RNF207: variants seen among roughly 807,000 people sequenced by gnomAD.
RNF207 encodes the protein ring finger protein 207.
A neutral mutation model predicts 79.0 loss-of-function variants in RNF207; 72 were observed. That is an observed-to-expected ratio of 0.91 (90% confidence interval 0.75 to 1.11). The LOEUF is 1.11. Among genes scored for constraint, RNF207 ranks in the 50% least tolerant of loss-of-function variants. The pLI is 0.00. For synonymous variants in RNF207, 348 were observed against 366.2 expected (o/e 0.95, Z 0.57); for missense variants, 936 against 855.8 (o/e 1.09, Z -1.17).
chr1:6,217,791 G>A lies in RNF207; in HGVS notation c.1653-498G>A, dbSNP rs1313071822. ...TTAGAAGTCTATGATTCCCATCACC[G>A]CGGGGCTGGACAGCTCTCTTGGGGA... On this transcript the variant is annotated intron_variant, in intron 16 of 17. Transcript: ENST00000377939. The surrounding 1 kb of genome is among the most constrained non-coding windows in gnomAD (Gnocchi z 4.2). Among the ~76,000 whole-genome samples the A allele has an allele frequency of 2.6e-5, 4 of 152,108 alleles. No individual in the cohort carries two copies. Among genetic ancestry groups the A allele is most frequent in the Non-Finnish European group, 2.9e-5 (2 of 68,034 alleles).
In RNF207 at chr1:6,219,332, G is replaced by GA. The variant is rs1185756711; in HGVS notation, c.1835dup (p.Asn612LysfsTer103). Reference sequence around the variant, plus strand: ...ACGGCCTCTCAGAAGAGCCTCTACTGAAAAATATGGATCATCACAGATCCA... The same window carrying GA: ...ACGGCCTCTCAGAAGAGCCTCTACTGAAAAAATATGGATCATCACAGATCCA... On this transcript the variant is annotated frameshift_variant, in exon 18 of 18. Transcript: ENST00000377939. LOFTEE classifies it low-confidence loss of function (END_TRUNC). 1.2e-6 allele frequency: 2 copies of GA among 1,613,248 alleles called. No individual in the cohort carries two copies. The highest frequency in any genetic ancestry group is 1.7e-6 in the Non-Finnish European group (2 of 1,179,836).
In RNF207 at chr1:6,207,605, C is replaced by T. The variant is rs758111440; in HGVS notation, c.324+94C>T. On this transcript the variant is annotated intron_variant, in intron 3 of 17. Transcript: ENST00000377939. This position sits in a 1 kb window ranked among gnomAD's most constrained non-coding sequence, Gnocchi z 4.5. ...ATGCACTCAGCATGTCTTCAGAGGACGACCTGGCAGTGGATTCTCCAGCAC... is the reference window on the plus strand; with the variant it reads ...ATGCACTCAGCATGTCTTCAGAGGATGACCTGGCAGTGGATTCTCCAGCAC... 9.3e-6 allele frequency: 13 copies of T among 1,397,822 alleles called. No homozygotes were observed. The highest frequency in any genetic ancestry group is 6.1e-5 in the South Asian group (5 of 81,388). 86.6% of individuals were successfully genotyped at this position (1,397,822 alleles called of 1,614,324 possible). A position where few individuals can be genotyped will look rare whatever the true frequency, so the allele number is the denominator to read the frequency against.
In RNF207 at chr1:6,219,356, C is replaced by G. The variant is rs1294561478; in HGVS notation, c.1854C>G (p.Ser618=). The G allele has an allele frequency of 6.2e-7, 1 of 1,612,032 alleles. No individual in the cohort carries two copies. The highest frequency in any genetic ancestry group is 8.5e-7 in the Non-Finnish European group (1 of 1,179,394). The change falls in exon 18 of 18, where the codon TCC becomes TCG. Residue 618 remains serine (S), a synonymous_variant. Coordinates refer to ENST00000377939, the MANE Select transcript of RNF207 (RefSeq NM_207396.3). ...PLLKNMDHHR[S]KQKNGGDVPT... ...TGAAAAATATGGATCATCACAGATC[C>G]AAACAGAAAAATGGGGGCGATGTCC... is the stretch of plus-strand genomic sequence containing the variant.
chr1:6,206,321 C>T lies in RNF207; in HGVS notation c.-1+19C>T. ...CCAGCGGGTAGGTACAAGGCCCCGCCCCTCGCCAGTCCTCACTGCCTGTTC... is the reference window on the plus strand; with the variant it reads ...CCAGCGGGTAGGTACAAGGCCCCGCTCCTCGCCAGTCCTCACTGCCTGTTC... On this transcript the variant is annotated intron_variant, in intron 1 of 17. Coordinates refer to ENST00000377939, the MANE Select transcript of RNF207 (RefSeq NM_207396.3). 1.8e-6 allele frequency: 1 copy of T among 556,904 alleles called. No individual in the cohort carries two copies. Among genetic ancestry groups the T allele is most frequent in the East Asian group, 3.2e-5 (1 of 31,496 alleles). 34.5% of individuals were successfully genotyped at this position (556,904 alleles called of 1,614,324 possible).
rs530154008 is a variant in RNF207, at chr1:6,210,555, G to A, written c.942+117G>A. The A allele has an allele frequency of 2.0e-4, 155 of 760,890 alleles. No homozygotes were observed. The African/African-American group carries it at 2.3e-3, about 11-fold the overall frequency. 47.1% of individuals were successfully genotyped at this position (760,890 alleles called of 1,614,324 possible). ...ACCTGGAGCCTGGACCAGGGATCTC[G>A]GGGCTGACCCCCTCCCAACTCCATC... On this transcript the variant is annotated intron_variant, in intron 10 of 17. Coordinates refer to ENST00000377939, the MANE Select transcript of RNF207 (RefSeq NM_207396.3).
At position 6,211,997 on chromosome 1, in the gene RNF207, G is replaced by A; in HGVS notation, c.1240G>A (p.Glu414Lys). The change falls in exon 13 of 18, where the codon GAG becomes AAG. Residue 414 changes from glutamate to lysine, a missense_variant. Physicochemically the swap from Glu to Lys is moderately conservative, Grantham distance 56. Transcript: ENST00000377939. The surrounding 1 kb of genome is among the most constrained non-coding windows in gnomAD (Gnocchi z 4.2). ...CATCAGCACCAAGGTGCTGCTGGCG[G>A]AGGGCGAGAACACGCCCTTCGCAGA... The part of the protein sequence containing the change: ...RSISTKVLLA[E>K]GENTPFAEHC... 1.3e-6 allele frequency: 2 copies of A among 1,591,106 alleles called. No individual in the cohort carries two copies. The highest frequency in any genetic ancestry group is 1.1e-5 in the South Asian group (1 of 88,138).
intron 16 of RNF207, among the ~76,000 whole-genome samples, chr1:6,213,468 T>TAA (rs547886824): frequency 2.2e-3 from 259 of 119,190 alleles, no homozygotes; most frequent in African/African-American, 5.8e-3. Flanking sequence ...GACCTTGTCT[T>TAA]AAAAAAAAAA....
intron 16 of RNF207, among the ~76,000 whole-genome samples, chr1:6,216,736 T>TC (rs1275289722): frequency 6.7e-6 from 1 of 150,044 alleles, no homozygotes; most frequent in Admixed American, 6.6e-5. Context: ...GATTTTTTTT[T>TC]TTTTTTAATT....
intron 7 of RNF207, 120 bp from the exon 8 acceptor site, chr1:6,209,804 G>A: frequency 4.4e-6 from 5 of 1,129,764 alleles, no homozygotes; most frequent in Non-Finnish European, 5.0e-6. Flanking sequence ...CAGATGCAGG[G>A]CTGGTAGGTT....
rs200960066 is a variant in RNF207, at chr1:6,209,009, C to T, written c.453C>T (p.Asp151=). ...TGGCCCTGGGTCAGCGAAGCCGCGA[C>T]GTGCCCCAGAAGTGCAGTGAGTGAG... ...DIVALGQRSR[D]VPQKCTLHAE... is the part of the protein sequence containing the mutation. Residue 151 remains aspartate (D), a synonymous_variant, in exon 4 of 18, where the codon GAC becomes GAT. Coordinates refer to ENST00000377939, the MANE Select transcript of RNF207 (RefSeq NM_207396.3). The T allele has an allele frequency of 7.1e-7, 1 of 1,409,136 alleles. No individual in the cohort carries two copies. The allele number at this position is 1,409,136 out of a possible 1,614,324, so 87.3% of individuals were successfully genotyped here. A position where few individuals can be genotyped will look rare whatever the true frequency, so the allele number is the denominator to read the frequency against.
At position 6,209,339 on chromosome 1, in the gene RNF207, T is replaced by C; in HGVS notation, c.623T>C (p.Val208Ala). Reference protein sequence around the residue: ...VQGCERLEQAVLAVKALQTAT... With the variant: ...VQGCERLEQAALAVKALQTAT... ...GGCTGCGAGCGGCTGGAGCAGGCGGTGCTGGTGAGCGCAGGGGCCTGGCGC... is the reference window on the plus strand; with the variant it reads ...GGCTGCGAGCGGCTGGAGCAGGCGGCGCTGGTGAGCGCAGGGGCCTGGCGC... Residue 208 changes from valine to alanine, a missense_variant, in exon 6 of 18, where the codon GTG (valine) becomes GCG (alanine). Coordinates refer to ENST00000377939, the MANE Select transcript of RNF207 (RefSeq NM_207396.3). 1 of 1,543,830 alleles carries C rather than the reference T, an allele frequency of 6.5e-7. No homozygotes were observed. The highest frequency in any genetic ancestry group is 8.7e-7 in the Non-Finnish European group (1 of 1,146,258).
Position 6,216,811 on chromosome 1 carries a change from G to A in RNF207, c.1653-1478G>A, listed in dbSNP as rs185699435. Among the ~76,000 whole-genome samples the A allele has an allele frequency of 2.8e-4, 42 of 150,772 alleles. 1 individual carries two copies. In the East Asian group the frequency reaches 7.7e-3, roughly 28 times the overall value. On this transcript the variant is annotated intron_variant, in intron 16 of 17. Coordinates refer to ENST00000377939, the MANE Select transcript of RNF207 (RefSeq NM_207396.3). ...TCTCGATCTCCTGACCTCGTGATCCGCCAGCCTCGGCCTCCCAAAGTGCTG... is the reference window on the plus strand; with the variant it reads ...TCTCGATCTCCTGACCTCGTGATCCACCAGCCTCGGCCTCCCAAAGTGCTG...
In RNF207 at chr1:6,213,077, G is replaced by C; in HGVS notation, c.1546G>C (p.Asp516His). ...CCTTGGCCCCACAGCCCAGCTCCAT[G>C]ACCTTCTCCAGCTGAGGCAGGAGAA... is the stretch of plus-strand genomic sequence containing the variant. ...EQEIYEAQLH[D>H]LLQLRQENAY... Residue 516 changes from aspartate (D) to histidine (H), a missense_variant, in exon 16 of 18, where the codon GAC becomes CAC. Transcript: ENST00000377939. The C allele has an allele frequency of 6.2e-7, 1 of 1,612,730 alleles. No homozygotes were observed. Among genetic ancestry groups the C allele is most frequent in the Non-Finnish European group, 8.5e-7 (1 of 1,179,140 alleles).
intron 3 of RNF207, 38 bp from the exon 4 acceptor site, chr1:6,208,843 C>A: frequency 2.7e-6 from 4 of 1,500,928 alleles, no homozygotes; most frequent in South Asian, 1.2e-5. Context: ...TGGCCGCGGT[C>A]GGGCTCTGGC....
intron 17 of RNF207, among the ~76,000 whole-genome samples, chr1:6,218,768 C>T (rs886566499): frequency 6.6e-6 from 1 of 152,168 alleles, no homozygotes; most frequent in Non-Finnish European, 1.5e-5. Flanking sequence ...GCATTAACAC[C>T]TACGACACAG....
At chr1:6,206,934 G>C (rs11121487) in intron 2 of RNF207, among the ~76,000 whole-genome samples, 22,834 of 152,232 alleles carry the variant, frequency 0.15, 3,613 homozygotes, top group African/African-American at 0.4. Context: ...CTGAAGCCTG[G>C]AGATTGCAGT....
At position 6,218,315 on chromosome 1, in the gene RNF207, C is replaced by T. The variant is rs1557594740; in HGVS notation, c.1679C>T (p.Ser560Leu). ...PRFQAPVDEQ[S>L]ESLQNTHDDS... The stretch of plus-strand genomic sequence containing the variant: ...TTTCAGGCACCCGTGGATGAGCAGT[C>T]AGAGAGTCTACAGAACACGCACGAC... Residue 560 changes from serine (S) to leucine (L), a missense_variant, in exon 17 of 18, where the codon TCA (serine) becomes TTA (leucine). By Grantham distance (145) the Ser-to-Leu change is moderately radical. Transcript: ENST00000377939. 1 of 1,614,074 alleles carries T rather than the reference C, an allele frequency of 6.2e-7. No homozygotes were observed. The highest frequency in any genetic ancestry group is 1.7e-5 in the Admixed American group (1 of 60,022).
chr1:6,214,791 C>T (rs1437185034), intron 16 of RNF207, among the ~76,000 whole-genome samples: 2 of 151,690 alleles, frequency 1.3e-5, no homozygotes, highest in Admixed American at 6.6e-5. Flanking sequence ...TGCACCACCA[C>T]GCCTGGCTAA....
At position 6,214,630 on chromosome 1, in the gene RNF207, C is replaced by CTTTTTTTT. The variant is rs144139448; in HGVS notation, c.1652+1463_1652+1470dup. ...GTTGGCCAGGCTGGAATATTTCTTT[C>CTTTTTTTT]TTTTTTTTTTTTTTTTTTTTTTTGA... On this transcript the variant is annotated intron_variant, in intron 16 of 17. Coordinates refer to ENST00000377939, the MANE Select transcript of RNF207 (RefSeq NM_207396.3). Among the ~76,000 whole-genome samples the CTTTTTTTT allele has an allele frequency of 1.5e-3, 103 of 70,652 alleles. 9 individuals carry two copies. The highest frequency in any genetic ancestry group is 6.6e-3 in the African/African-American group (97 of 14,644). 46.4% of individuals were successfully genotyped at this position (70,652 alleles called of 152,430 possible).
Sources: gnomAD v4.1 joint callset for allele counts (sites outside exome capture counted in the v4.1 genomes callset) on GRCh38, gnomAD v4.1.1 for gene constraint, Gnocchi (gnomAD v3.1) non-coding constraint, MANE v1.5 for transcripts, NCBI Gene and HGNC (gene_info 2026-07-23, HGNC 2026-07-21) for gene names.